The following ITGA9 variants were observed in gnomAD, a reference collection of about 807,000 sequenced individuals.
ITGA9 encodes the protein integrin alpha-9.
Under a neutral mutation model 127.8 loss-of-function variants are expected in ITGA9, and 56 were observed. That is an observed-to-expected ratio of 0.44 (90% CI 0.35 to 0.55). ITGA9 has a LOEUF of 0.55. ITGA9 is among the 20% of genes least tolerant of loss of function. ITGA9 has a pLI of 0.00. For synonymous variants in ITGA9, 508 were observed against 514.5 expected (o/e 0.99, Z 0.17); for missense variants, 1,196 against 1,347.1 (o/e 0.89, Z 1.76).
chr3:37,514,926 A>G (rs1698968629), intron 9 of ITGA9, among the ~76,000 whole-genome samples: 1 of 145,034 alleles, frequency 6.9e-6, no homozygotes, highest in East Asian at 2.3e-4. Flanking sequence ...GGACAGAAAG[A>G]TGCCTCTGGC....
chr3:37,587,851 A>C (rs565349220), intron 15 of ITGA9, among the ~76,000 whole-genome samples: 24 of 152,326 alleles, frequency 1.6e-4, no homozygotes, highest in Admixed American at 3.9e-4. Flanking sequence ...CATCCTTGCA[A>C]CATTAGAACC....
At chr3:37,587,437 C>G (rs6550485) in intron 15 of ITGA9, among the ~76,000 whole-genome samples, 97,150 of 152,072 alleles carry the variant, frequency 0.64, 31,393 homozygotes, top group East Asian at 0.74. Context: ...GGTATTTTGA[C>G]GACAATGTTG....
At chr3:37,454,987 G>C (rs1480929901) in intron 1 of ITGA9, among the ~76,000 whole-genome samples, 1 of 152,166 alleles carries the variant, frequency 6.6e-6, no homozygotes, top group Non-Finnish European at 1.5e-5. Context: ...TGAAACTTAA[G>C]CCAAAGGATT....
At chr3:37,729,497 G>C (rs1696259853) in intron 18 of ITGA9, among the ~76,000 whole-genome samples, 1 of 152,130 alleles carries the variant, frequency 6.6e-6, no homozygotes, top group Non-Finnish European at 1.5e-5. Context: ...AATAAATGCT[G>C]ATATAAATGT....
At chr3:37,749,068 G>A (rs536837023) in intron 22 of ITGA9, among the ~76,000 whole-genome samples, 1 of 152,308 alleles carries the variant, frequency 6.6e-6, no homozygotes, top group East Asian at 1.9e-4. Flanking sequence ...TTATCTTACA[G>A]TTCTGAAGAA....
chr3:37,684,077 T>G, intron 18 of ITGA9, 62 bp downstream of exon 18: 1 of 1,380,656 alleles, frequency 7.2e-7, no homozygotes, highest in South Asian at 1.2e-5. Context: ...CTGACTTTCA[T>G]TATTGCCTGG....
At chr3:37,614,519 G>T (rs916170362) in intron 15 of ITGA9, among the ~76,000 whole-genome samples, 13 of 151,514 alleles carry the variant, frequency 8.6e-5, no homozygotes, top group Middle Eastern at 3.5e-3. Context: ...TTGGTAGCTT[G>T]ATGGGGATGG....
At chr3:37,739,883 C>T (rs1302405791) in intron 20 of ITGA9, among the ~76,000 whole-genome samples, 4 of 152,182 alleles carry the variant, frequency 2.6e-5, no homozygotes, top group African/African-American at 9.7e-5. Flanking sequence ...GGCCTGCCCA[C>T]AGCAGTGATC....
intron 23 of ITGA9, among the ~76,000 whole-genome samples, chr3:37,766,037 A>G (rs1482938307): frequency 6.6e-6 from 1 of 152,254 alleles, no homozygotes; most frequent in Admixed American, 6.5e-5. Context: ...CCTTAAAAGC[A>G]ACATGACACA....
intron 15 of ITGA9, among the ~76,000 whole-genome samples, chr3:37,612,623 A>G (rs2125626507): frequency 6.6e-6 from 1 of 152,354 alleles, no homozygotes; most frequent in Non-Finnish European, 1.5e-5. Flanking sequence ...ATCTAAATCC[A>G]CAGATGCCCT....
At position 37,750,506 on chromosome 3, in the gene ITGA9, C is replaced by T. The variant is rs1311399661; in HGVS notation, c.2478C>T (p.Ser826=). The T allele has an allele frequency of 6.2e-7, 1 of 1,612,824 alleles. No homozygotes were observed. The highest frequency in any genetic ancestry group is 1.1e-5 in the South Asian group (1 of 91,044). Reference sequence around the variant, plus strand: ...GCACCCTTCCAGGGTCATCTGTCAGCATCTCTTTCCCTAATCGACTCTCAT... The same window carrying T: ...GCACCCTTCCAGGGTCATCTGTCAGTATCTCTTTCCCTAATCGACTCTCAT... ...GPSTLPGSSV[S]ISFPNRLSSG... is the part of the protein sequence containing the mutation. The change falls in exon 23 of 28, where the codon AGC becomes AGT. Residue 826 remains serine (S), a synonymous_variant. Coordinates refer to ENST00000264741, the MANE Select transcript of ITGA9 (RefSeq NM_002207.3).
chr3:37,656,618 C>T (rs1301717362), intron 17 of ITGA9, among the ~76,000 whole-genome samples: 1 of 152,166 alleles, frequency 6.6e-6, no homozygotes. Context: ...TCTAAATATA[C>T]AATCATGTTG....
chr3:37,521,192 A>G (rs17036527), intron 11 of ITGA9, among the ~76,000 whole-genome samples: 1 of 152,206 alleles, frequency 6.6e-6, no homozygotes, highest in Non-Finnish European at 1.5e-5. Context: ...ATAAGGGCAG[A>G]GATTTAAAAG....
At chr3:37,593,030 G>A (rs1218517987) in intron 15 of ITGA9, among the ~76,000 whole-genome samples, 5 of 152,064 alleles carry the variant, frequency 3.3e-5, no homozygotes, top group African/African-American at 9.7e-5. Context: ...TAACCAGGGG[G>A]AAAAAAGCAT....
chr3:37,704,661 A>G (rs529275014), intron 18 of ITGA9, among the ~76,000 whole-genome samples: 2 of 152,326 alleles, frequency 1.3e-5, no homozygotes, highest in Admixed American at 1.3e-4. Flanking sequence ...GATCCCCTAC[A>G]GAAATACAAC....
In ITGA9 at chr3:37,452,594, C is replaced by G; in HGVS notation, c.185+35C>G. The G allele has an allele frequency of 6.8e-7, 1 of 1,477,768 alleles. No homozygotes were observed. The highest frequency in any genetic ancestry group is 9.0e-7 in the Non-Finnish European group (1 of 1,109,944). 91.5% of individuals were successfully genotyped at this position (1,477,768 alleles called of 1,614,324 possible). A position where few individuals can be genotyped will look rare whatever the true frequency, so the allele number is the denominator to read the frequency against. Reference sequence around the variant, plus strand: ...CGCCCGACTCCGCGACCCTGGCCCGCGCGGCCACCGCCCCGGCCCCCAGGC... The same window carrying G: ...CGCCCGACTCCGCGACCCTGGCCCGGGCGGCCACCGCCCCGGCCCCCAGGC... On this transcript the variant is annotated intron_variant, in intron 1 of 27. Transcript: ENST00000264741. The surrounding 1 kb of genome is among the most constrained non-coding windows in gnomAD (Gnocchi z 7.3).
intron 26 of ITGA9, among the ~76,000 whole-genome samples, chr3:37,795,850 T>TC (rs1395829984): frequency 2.0e-5 from 3 of 152,196 alleles, no homozygotes; most frequent in Non-Finnish European, 4.4e-5. Flanking sequence ...CGCAGCCCTC[T>TC]CACGGGGGCT....
At chr3:37,711,277 C>A (rs997930143) in intron 18 of ITGA9, among the ~76,000 whole-genome samples, 13 of 152,292 alleles carry the variant, frequency 8.5e-5, no homozygotes, top group South Asian at 6.2e-4. Flanking sequence ...CATATGGGTC[C>A]CTCCAACAGG....
At chr3:37,572,599 C>G (rs2125605570) in intron 15 of ITGA9, among the ~76,000 whole-genome samples, 1 of 152,288 alleles carries the variant, frequency 6.6e-6, no homozygotes, top group Non-Finnish European at 1.5e-5. Flanking sequence ...CTGTCACTTA[C>G]AGATAGAAGG....
Sources: allele counts gnomAD v4.1 joint callset (sites outside exome capture counted in the v4.1 genomes callset), GRCh38; gene constraint gnomAD v4.1.1; non-coding constraint Gnocchi (gnomAD v3.1); transcripts MANE v1.5; gene names NCBI Gene and HGNC (gene_info 2026-07-23, HGNC 2026-07-21).